PDE4D: variants seen among roughly 807,000 people sequenced by gnomAD.
PDE4D encodes 3',5'-cyclic-AMP phosphodiesterase 4D.
A neutral mutation model predicts 87.4 loss-of-function variants in PDE4D; 24 were observed. The ratio of observed to expected loss-of-function variants is 0.27; its 90% CI spans 0.20 to 0.39. PDE4D has a LOEUF of 0.39. Ranked by LOEUF, PDE4D falls within the 10% of genes least tolerant of loss-of-function variation. PDE4D has a pLI of 1.00. For missense variants in PDE4D, 714 were observed against 1,041.0 expected (o/e 0.69, Z 4.32); for synonymous variants, 384 against 383.2 (o/e 1.00, Z -0.02).
In PDE4D at chr5:59,004,590, T is replaced by C. The variant is rs116531900; in HGVS notation, c.922-11125A>G. Among the ~76,000 whole-genome samples the C allele has an allele frequency of 5.8e-3, 884 of 152,366 alleles. 6 individuals carry two copies. Among genetic ancestry groups the C allele is most frequent in the African/African-American group, 0.02 (836 of 41,592 alleles). ...AGTGCCATCTTCACAATATACACTA[T>C]TGCTGCATTACTAGAAAATTTGGTG... On this transcript the variant is annotated intron_variant, in intron 6 of 14. Transcript: ENST00000340635.
rs747582116 is a variant in PDE4D at position 59,014,441 on chromosome 5, C to T, written c.922-20976G>A. Reference sequence around the variant, plus strand: ...ATCTCCTTAAGCTGATAAACAACTTCAGCAAAGTCTCAAGATACAAAACCA... The same window carrying T: ...ATCTCCTTAAGCTGATAAACAACTTTAGCAAAGTCTCAAGATACAAAACCA... On this transcript the variant is annotated intron_variant, in intron 6 of 14. Transcript: ENST00000340635. 5.9e-5 allele frequency among the ~76,000 whole-genome samples: 9 copies of T among 152,180 alleles called. 1 individual carries two copies. The East Asian group carries it at 1.5e-3, about 26-fold the overall frequency.
chr5:60,140,873 T>G (rs1344607672), intron 2 of PDE4D, among the ~76,000 whole-genome samples: 3 of 152,162 alleles, frequency 2.0e-5, no homozygotes, highest in African/African-American at 4.8e-5. Flanking sequence ...CTTAGGAGAT[T>G]GTTTGAATGT....
chr5:59,666,377 T>C (rs1214317275), intron 1 of PDE4D, among the ~76,000 whole-genome samples: 1 of 152,166 alleles, frequency 6.6e-6, no homozygotes, highest in East Asian at 1.9e-4. Flanking sequence ...TGAAGATAAT[T>C]TAATTGTCCT....
At chr5:59,725,825 G>GT (rs142359312) in intron 1 of PDE4D, among the ~76,000 whole-genome samples, 33,463 of 151,522 alleles carry the variant, frequency 0.22, 4,104 homozygotes, top group Middle Eastern at 0.44. Context: ...AAAGTTAGTT[G>GT]TTTTTTTTCA....
chr5:59,837,514 G>C (rs1201082294), intron 1 of PDE4D, among the ~76,000 whole-genome samples: 2 of 152,038 alleles, frequency 1.3e-5, no homozygotes, highest in South Asian at 2.1e-4. Flanking sequence ...CCTTTGTGAA[G>C]CCAAGTGCTG....
At chr5:59,343,008 G>T (rs921515151) in intron 1 of PDE4D, among the ~76,000 whole-genome samples, 1 of 146,176 alleles carries the variant, frequency 6.8e-6, no homozygotes. Flanking sequence ...AAAGTTCAGG[G>T]ATATATGTGC....
At chr5:59,814,973 A>G (rs1240848295) in intron 1 of PDE4D, among the ~76,000 whole-genome samples, 1 of 152,216 alleles carries the variant, frequency 6.6e-6, no homozygotes, top group African/African-American at 2.4e-5. Context: ...AGTCTCAGAT[A>G]TACACACGTT....
chr5:59,780,762 A>T (rs1037786943), intron 1 of PDE4D, among the ~76,000 whole-genome samples: 2 of 152,312 alleles, frequency 1.3e-5, no homozygotes. Context: ...GCATCCTTAG[A>T]TAAGTAGTTT....
intron 1 of PDE4D, among the ~76,000 whole-genome samples, chr5:59,608,060 C>A (rs554113144): frequency 6.6e-5 from 10 of 152,272 alleles, no homozygotes; most frequent in African/African-American, 2.4e-4. Flanking sequence ...TAAAAATTCA[C>A]ACATGCCTTC....
At chr5:59,883,939 G>A (rs1056532116) in intron 1 of PDE4D, among the ~76,000 whole-genome samples, 2 of 151,756 alleles carry the variant, frequency 1.3e-5, no homozygotes, top group Admixed American at 6.6e-5. Flanking sequence ...TTTTGGGGGG[G>A]TAAGAAACAA....
chr5:60,302,595 T>C (rs765891703), intron 1 of PDE4D, among the ~76,000 whole-genome samples: 3 of 152,168 alleles, frequency 2.0e-5, no homozygotes, highest in Admixed American at 6.5e-5. Flanking sequence ...GTCTCTTTTA[T>C]TAATTATTTT....
chr5:59,455,224 G>C (rs1359260457), intron 1 of PDE4D, among the ~76,000 whole-genome samples: 3 of 152,220 alleles, frequency 2.0e-5, no homozygotes, highest in Non-Finnish European at 2.9e-5. Flanking sequence ...TCTCATCACA[G>C]GCCTGGAGGC....
At position 59,868,014 on chromosome 5, in the gene PDE4D, A is replaced by T. The variant is rs76544982; in HGVS notation, c.455+25154T>A. Among the ~76,000 whole-genome samples the T allele has an allele frequency of 4.1e-3, 628 of 152,198 alleles. 6 individuals are homozygous for T. The highest frequency in any genetic ancestry group is 0.014 in the African/African-American group (593 of 41,524). Reference sequence around the variant, plus strand: ...CTTGTATCATCGAGTCAACCCAATTAATCAATTGATCTTTTAGAAAAGACT... The same window carrying T: ...CTTGTATCATCGAGTCAACCCAATTTATCAATTGATCTTTTAGAAAAGACT... On this transcript the variant is annotated intron_variant, in intron 1 of 14. Coordinates refer to ENST00000340635, the MANE Select transcript of PDE4D (RefSeq NM_001104631.2).
At chr5:60,387,124 AT>A (rs1232633792) in intron 1 of PDE4D, among the ~76,000 whole-genome samples, 1 of 152,230 alleles carries the variant, frequency 6.6e-6, no homozygotes, top group African/African-American at 2.4e-5. Flanking sequence ...ATCTGAGATG[AT>A]AAAAATCTAC....
chr5:59,355,568 A>T (rs563353335), intron 1 of PDE4D, among the ~76,000 whole-genome samples: 1 of 152,340 alleles, frequency 6.6e-6, no homozygotes, highest in East Asian at 1.9e-4. Flanking sequence ...GAAGCATATA[A>T]TTTAAAATTT....
At chr5:59,380,405 A>AAAGAG (rs1554148718) in intron 1 of PDE4D, among the ~76,000 whole-genome samples, 1 of 137,922 alleles carries the variant, frequency 7.3e-6, no homozygotes, top group Non-Finnish European at 1.5e-5. Context: ...AAAAAAAAAA[A>AAAGAG]AGAGAGAGAA....
intron 1 of PDE4D, among the ~76,000 whole-genome samples, chr5:60,336,953 T>C (rs1251188259): frequency 1.3e-5 from 2 of 152,150 alleles, no homozygotes; most frequent in Admixed American, 1.3e-4. Flanking sequence ...AAATCCACTA[T>C]CCAATTATTT....
intron 1 of PDE4D, among the ~76,000 whole-genome samples, chr5:59,313,695 C>T (rs2153567291): frequency 6.6e-6 from 1 of 152,288 alleles, no homozygotes; most frequent in East Asian, 1.9e-4. Context: ...CAGAGAATTT[C>T]ATACCTAGAA....
intron 5 of PDE4D, among the ~76,000 whole-genome samples, chr5:59,156,480 T>C (rs1780243240): frequency 6.6e-6 from 1 of 151,390 alleles, no homozygotes; most frequent in African/African-American, 2.4e-5. Flanking sequence ...GTGGGTGTAC[T>C]ATTCCTTCTT....
Sources: allele counts gnomAD v4.1 joint callset (sites outside exome capture counted in the v4.1 genomes callset), GRCh38; gene constraint gnomAD v4.1.1; transcripts MANE v1.5; gene names NCBI Gene and HGNC (gene_info 2026-07-23, HGNC 2026-07-21).